Variants in DGKD observed in about 807,000 individuals in gnomAD.
The protein encoded by DGKD is DAG kinase delta.
Under a neutral mutation model 154.4 loss-of-function variants are expected in DGKD, and 68 were observed. The observed-to-expected ratio is 0.44, with a 90% CI of 0.36 to 0.54. DGKD has a LOEUF of 0.54. Among genes scored for constraint, DGKD ranks in the 20% least tolerant of loss-of-function variants. DGKD has a pLI of 0.00. For missense variants in DGKD, 1,343 were observed against 1,593.6 expected, an observed-to-expected ratio of 0.84 and a Z score of 2.68; for synonymous variants, 693 against 638.0, an observed-to-expected ratio of 1.09 and a Z score of -1.30.
chr2:233,467,560 T>C (rs1270868827), intron 28 of DGKD, among the ~76,000 whole-genome samples: 1 of 152,226 alleles, frequency 6.6e-6, no homozygotes, highest in African/African-American at 2.4e-5. Flanking sequence ...TGCTCCCTCC[T>C]GGGCTGCTGG....
chr2:233,359,763 G>A (rs1322225204), intron 1 of DGKD, among the ~76,000 whole-genome samples: 6 of 152,148 alleles, frequency 3.9e-5, no homozygotes, highest in Non-Finnish European at 1.5e-5. Flanking sequence ...GTTGTGCGAG[G>A]CACCAGGGGT....
chr2:233,465,362 CG>C (rs1006804829), intron 27 of DGKD, among the ~76,000 whole-genome samples: 8 of 152,050 alleles, frequency 5.3e-5, no homozygotes, highest in Non-Finnish European at 1.0e-4. Flanking sequence ...AGGACATGGA[CG>C]GGGGGAGGAA....
intron 19 of DGKD, among the ~76,000 whole-genome samples, chr2:233,455,456 C>T (rs1048699864): frequency 6.6e-6 from 1 of 152,172 alleles, no homozygotes; most frequent in African/African-American, 2.4e-5. Context: ...AGCTTTTCTT[C>T]CTGGGCTGAT....
At chr2:233,371,817 C>T (rs1437033941) in intron 1 of DGKD, among the ~76,000 whole-genome samples, 11 of 152,162 alleles carry the variant, frequency 7.2e-5, no homozygotes, top group African/African-American at 2.7e-4. Context: ...TCTGCCTCCC[C>T]AGCTGTGCAG....
intron 9 of DGKD, among the ~76,000 whole-genome samples, chr2:233,439,268 G>C (rs1369436584): frequency 6.6e-6 from 1 of 152,144 alleles, no homozygotes; most frequent in Admixed American, 6.5e-5. Flanking sequence ...GAGTCAGTGG[G>C]GTCTGTGTAT....
At chr2:233,407,467 C>T (rs745629058) in intron 3 of DGKD, among the ~76,000 whole-genome samples, 4 of 152,238 alleles carry the variant, frequency 2.6e-5, no homozygotes, top group East Asian at 1.9e-4. Context: ...CAGAGTATTG[C>T]GTTTAAATCT....
rs1399509142 is a variant in DGKD, at chr2:233,454,029, G to T, written c.2265-734G>T. Among the ~76,000 whole-genome samples, 4 of 152,210 alleles carry T rather than the reference G, an allele frequency of 2.6e-5. No individual in the cohort carries two copies. The East Asian group carries it at 7.7e-4, about 29-fold the overall frequency. ...TGCCATAAACATATCTTCAGGTTTG[G>T]TGCTGCTGGTGGAGTGTAAGATGGG... is the stretch of plus-strand genomic sequence containing the variant. On this transcript the variant is annotated intron_variant, in intron 18 of 29. Transcript: ENST00000264057.
chr2:233,387,135 C>T (rs1703232795), intron 1 of DGKD, among the ~76,000 whole-genome samples: 1 of 152,212 alleles, frequency 6.6e-6, no homozygotes, highest in African/African-American at 2.4e-5. Context: ...ACATGAGCCT[C>T]CTGTGTCTTG....
At chr2:233,413,714 G>A (rs2061888038) in intron 3 of DGKD, among the ~76,000 whole-genome samples, 1 of 152,174 alleles carries the variant, frequency 6.6e-6, no homozygotes, top group Non-Finnish European at 1.5e-5. Flanking sequence ...GTGCTGTGAC[G>A]GGAGCTGGCT....
At chr2:233,370,885 G>A (rs1261829084) in intron 1 of DGKD, among the ~76,000 whole-genome samples, 4 of 152,140 alleles carry the variant, frequency 2.6e-5, no homozygotes, top group African/African-American at 4.8e-5. Flanking sequence ...CCAAGCAGCT[G>A]TGACTACAGA....
At chr2:233,366,911 T>G (rs992223264) in intron 1 of DGKD, among the ~76,000 whole-genome samples, 3 of 152,158 alleles carry the variant, frequency 2.0e-5, no homozygotes, top group Non-Finnish European at 4.4e-5. Flanking sequence ...CCAGCACAGT[T>G]TACCTCTAAA....
In DGKD at chr2:233,436,299, C is replaced by A. The variant is rs781090412; in HGVS notation, c.694-17C>A. ...ACCTTGGGAGCGTCCCTAGTGCGTG[C>A]CTCTGTTTGGTTGCAGATTGCAATG... On this transcript the variant is annotated splice_polypyrimidine_tract_variant and intron_variant, in intron 6 of 29. Transcript: ENST00000264057. 2 of 1,614,078 alleles carry A rather than the reference C, an allele frequency of 1.2e-6. No individual in the cohort carries two copies. The highest frequency in any genetic ancestry group is 1.7e-6 in the Non-Finnish European group (2 of 1,179,984).
chr2:233,436,487 C>T (rs538654783), intron 7 of DGKD, 46 bp downstream of exon 7: 2 of 1,588,544 alleles, frequency 1.3e-6, no homozygotes, highest in Non-Finnish European at 1.7e-6. Flanking sequence ...GGCTTGCTCC[C>T]TACCGTGCCC....
chr2:233,384,398 G>A (rs71421695), intron 1 of DGKD, among the ~76,000 whole-genome samples: 1 of 151,890 alleles, frequency 6.6e-6, no homozygotes, highest in African/African-American at 2.4e-5. Context: ...CATTTCCCTG[G>A]GCCTCCGTGT....
intron 17 of DGKD, 93 bp from the exon 18 acceptor site, chr2:233,451,871 C>A: frequency 9.6e-7 from 1 of 1,044,206 alleles, no homozygotes; most frequent in African/African-American, 1.6e-5. Flanking sequence ...TAACGTTCTG[C>A]AGAATACCGG....
rs868279038 is a variant in DGKD, at chr2:233,469,450, T to C, written c.3635T>C (p.Val1212Ala). The C allele has an allele frequency of 6.2e-7, 1 of 1,600,138 alleles. No individual in the cohort carries two copies. The highest frequency in any genetic ancestry group is 8.5e-7 in the Non-Finnish European group (1 of 1,174,590). The change falls in exon 30 of 30, where the codon GTC (valine) becomes GCC (alanine). Residue 1212 changes from valine to alanine, a missense_variant. Coordinates refer to ENST00000264057, the MANE Select transcript of DGKD (RefSeq NM_152879.3). Reference protein sequence around the residue: ...IKELSRSAPAVEA With the variant: ...IKELSRSAPAAEA ...GAGCTGAGCCGCAGCGCCCCCGCCG[T>C]CGAGGCCTAGCCTCTGTCCTCTCAG...
At position 233,446,928 on chromosome 2, in the gene DGKD, G is replaced by C. The variant is rs916922389; in HGVS notation, c.1419+132G>C. ...TTGGGGTGTCACAGTCAGGCCTGCG[G>C]AGGCGCAGGGTGAACCCATGGCTGA... On this transcript the variant is annotated intron_variant, in intron 12 of 29. Coordinates refer to ENST00000264057, the MANE Select transcript of DGKD (RefSeq NM_152879.3). 6 of 1,027,998 alleles carry C rather than the reference G, an allele frequency of 5.8e-6. No individual in the cohort carries two copies. The Admixed American group carries it at 1.5e-4, about 25-fold the overall frequency. 63.7% of individuals were successfully genotyped at this position (1,027,998 alleles called of 1,614,324 possible).
At chr2:233,442,178 G>A (rs1249329304) in intron 10 of DGKD, 183 bp downstream of exon 10, 5 of 706,314 alleles carry the variant, frequency 7.1e-6, no homozygotes, top group East Asian at 5.5e-5. Context: ...GCCACCCCCT[G>A]GCATTGTGGA....
At chr2:233,412,692 C>T (rs554193407) in intron 3 of DGKD, among the ~76,000 whole-genome samples, 91 of 152,238 alleles carry the variant, frequency 6.0e-4, no homozygotes, top group African/African-American at 2.0e-3. Context: ...TGAAACAGTT[C>T]GGTTTTCATC....
Sources: allele counts gnomAD v4.1 joint callset (sites outside exome capture counted in the v4.1 genomes callset), GRCh38; gene constraint gnomAD v4.1.1; transcripts MANE v1.5; gene names NCBI Gene and HGNC (gene_info 2026-07-23, HGNC 2026-07-21).